The following KIAA0586 variants were observed in gnomAD, a reference collection of about 807,000 sequenced individuals.
The protein encoded by KIAA0586 is protein TALPID3.
KIAA0586 carries 144 observed loss-of-function variants against 169.8 expected under a neutral mutation model. The observed-to-expected ratio is 0.85, with a 90% CI of 0.74 to 0.97. The LOEUF (loss-of-function observed/expected upper bound fraction) is 0.97. KIAA0586 is among the 50% of genes least tolerant of loss of function. KIAA0586 has a pLI of 0.00. For missense variants in KIAA0586, 1,854 were observed against 1,823.0 expected (o/e 1.02, Z -0.31); for synonymous variants, 625 against 612.4 (o/e 1.02, Z -0.30).
At chr14:58,507,179 G>A (rs1392868158) in intron 27 of KIAA0586, among the ~76,000 whole-genome samples, 2 of 109,936 alleles carry the variant, frequency 1.8e-5, no homozygotes, top group South Asian at 3.1e-4. Flanking sequence ...ATATATATAT[G>A]TGTATGTATG....
intron 20 of KIAA0586, among the ~76,000 whole-genome samples, chr14:58,481,870 G>A (rs1468513773): frequency 6.7e-6 from 1 of 150,058 alleles, no homozygotes; most frequent in Non-Finnish European, 1.5e-5. Context: ...CTGGAGTGCA[G>A]TGGTGCGATC....
intron 21 of KIAA0586, among the ~76,000 whole-genome samples, chr14:58,484,924 A>ATATATATATATATATTTT: frequency 7.7e-5 from 1 of 13,052 alleles, no homozygotes; most frequent in Non-Finnish European, 1.3e-4. Context: ...ATATATATAT[A>ATATATATATATATATTTT]TTTTTTTTTT....
At chr14:58,473,484 G>A (rs958445894) in intron 18 of KIAA0586, among the ~76,000 whole-genome samples, 5 of 152,146 alleles carry the variant, frequency 3.3e-5, no homozygotes, top group Non-Finnish European at 5.9e-5. Flanking sequence ...CAAATAATTT[G>A]TAAGATGACT....
Position 58,457,779 on chromosome 14 carries a change from G to A in KIAA0586, c.1383G>A (p.Met461Ile), listed in dbSNP as rs1367184782. 1 of 1,600,054 alleles carries A rather than the reference G, an allele frequency of 6.2e-7. No individual in the cohort carries two copies. Among genetic ancestry groups the A allele is most frequent in the Non-Finnish European group, 8.5e-7 (1 of 1,173,286 alleles). Reference protein sequence around the residue: ...SMVQPKESLSMLKLPDLPQNS... With the variant: ...SMVQPKESLSILKLPDLPQNS... The stretch of plus-strand genomic sequence containing the variant: ...TTAAGCCAAAAGAATCTCTGAGTAT[G>A]TTGAAGCTTCCAGATCTTCCACAGA... The change falls in exon 11 of 31, where the codon ATG becomes ATA. Residue 461 changes from methionine to isoleucine, a missense_variant. By Grantham distance (10) the Met-to-Ile change is conservative. Transcript: ENST00000652326.
At chr14:58,450,499 A>G (rs2039275699) in intron 7 of KIAA0586, 80 bp from the exon 8 acceptor site, 3 of 720,716 alleles carry the variant, frequency 4.2e-6, no homozygotes, top group Non-Finnish European at 7.0e-6. Context: ...TTATTTTTAA[A>G]GTATAGGCAA....
intron 21 of KIAA0586, among the ~76,000 whole-genome samples, chr14:58,484,822 G>A (rs2042257463): frequency 8.0e-6 from 1 of 125,688 alleles, no homozygotes; most frequent in African/African-American, 3.0e-5. Context: ...CAGAATAAAG[G>A]GTAATCACCT....
intron 1 of KIAA0586, among the ~76,000 whole-genome samples, chr14:58,428,756 TC>T (rs1238937112): frequency 1.3e-5 from 2 of 151,860 alleles, no homozygotes; most frequent in African/African-American, 4.8e-5. Flanking sequence ...TGCTTTATTT[TC>T]CCCCACGTAG....
chr14:58,428,460 C>T lies in KIAA0586; in HGVS notation c.196C>T (p.Arg66Cys), dbSNP rs746988251. 6.2e-7 allele frequency: 1 copy of T among 1,605,232 alleles called. No individual in the cohort carries two copies. The highest frequency in any genetic ancestry group is 8.5e-7 in the Non-Finnish European group (1 of 1,172,096). ...GGGGACTAGTTTGAATGGAACATCA[C>T]GTGGTATGTGATTCCATGTAGTTTT... ...GTGTSLNGTS[R>C]GSSDLTSARN... The change falls in exon 1 of 31, where the codon CGT becomes TGT. Residue 66 changes from arginine to cysteine, a missense_variant. By Grantham distance (180) the Arg-to-Cys change is radical. Coordinates refer to ENST00000652326, the MANE Select transcript of KIAA0586 (RefSeq NM_001329943.3).
the KIAA0586 span, among the ~76,000 whole-genome samples, chr14:58,556,483 A>G: frequency 2.6e-5 from 4 of 152,306 alleles, no homozygotes; most frequent in African/African-American, 7.2e-5. Context: ...ACTTTTGTCT[A>G]TACATACCTG....
chr14:58,475,165 G>A (rs2041512569), intron 19 of KIAA0586, among the ~76,000 whole-genome samples: 1 of 152,224 alleles, frequency 6.6e-6, no homozygotes, highest in Admixed American at 6.5e-5. Flanking sequence ...TAGGAACCAG[G>A]GAACTAAGCT....
At chr14:58,484,089 A>G (rs2042211535) in intron 21 of KIAA0586, among the ~76,000 whole-genome samples, 1 of 152,118 alleles carries the variant, frequency 6.6e-6, no homozygotes, top group Non-Finnish European at 1.5e-5. Flanking sequence ...AAAATGTGGG[A>G]AAACCAGTGT....
At chr14:58,446,169 C>A (rs1395667874) in intron 6 of KIAA0586, among the ~76,000 whole-genome samples, 1 of 151,892 alleles carries the variant, frequency 6.6e-6, no homozygotes, top group Admixed American at 6.6e-5. Context: ...CGCGCCTGGC[C>A]TACTGTGCAT....
intron 29 of KIAA0586, chr14:58,537,006 GT>G (rs1595528652): frequency 7.9e-7 from 1 of 1,261,556 alleles, no homozygotes; most frequent in Admixed American, 2.5e-5. Context: ...TTTTTTTTCA[GT>G]TTTGATCAGC....
At chr14:58,551,504 G>C (rs899999740), downstream of KIAA0586, among the ~76,000 whole-genome samples, 2 of 152,170 alleles carry the variant, frequency 1.3e-5, no homozygotes, top group Non-Finnish European at 2.9e-5. Flanking sequence ...GTTCACACCT[G>C]TAATCCCAGC....
rs374429223 is a variant in KIAA0586 at position 58,483,128 on chromosome 14, G to C, written c.3144+416G>C. ...CTTGCATACTCGACTCTCACAGTTG[G>C]CCCTGTAAAACCAAAGAATATGAAA... is the stretch of plus-strand genomic sequence containing the variant. On this transcript the variant is annotated intron_variant, in intron 21 of 30. Transcript: ENST00000652326. 2.7e-5 allele frequency among the ~76,000 whole-genome samples: 4 copies of C among 150,244 alleles called. 1 individual carries two copies.
chr14:58,496,439 G>T (rs2043162599), intron 26 of KIAA0586, among the ~76,000 whole-genome samples: 1 of 152,204 alleles, frequency 6.6e-6, no homozygotes, highest in African/African-American at 2.4e-5. Flanking sequence ...TATAGGCATT[G>T]TGAAATATTT....
At chr14:58,472,384 C>A (rs1221271367) in intron 18 of KIAA0586, 105 bp downstream of exon 18, 2 of 494,682 alleles carry the variant, frequency 4.0e-6, no homozygotes, top group Non-Finnish European at 7.0e-6. Flanking sequence ...CTTTGAGATA[C>A]TTTCTTTTAC....
intron 26 of KIAA0586, among the ~76,000 whole-genome samples, chr14:58,493,270 C>T (rs2042942533): frequency 6.6e-6 from 1 of 152,038 alleles, no homozygotes; most frequent in Non-Finnish European, 1.5e-5. Flanking sequence ...ACCTTAGGAG[C>T]TTGGATGGGT....
chr14:58,557,901 C>CTTTTTTTTTTTTTT, the KIAA0586 span, among the ~76,000 whole-genome samples: 514 of 42,516 alleles, frequency 0.012, 140 homozygotes, highest in African/African-American at 0.033. Flanking sequence ...CCTGAGAAAT[C>CTTTTTTTTTTTTTT]TTTTTTTTTT....
Sources: allele counts gnomAD v4.1 joint callset (sites outside exome capture counted in the v4.1 genomes callset), GRCh38; gene constraint gnomAD v4.1.1; transcripts MANE v1.5; gene names NCBI Gene and HGNC (gene_info 2026-07-23, HGNC 2026-07-21).